Variants in PSD3 observed in about 807,000 individuals in gnomAD.
PSD3 encodes the protein pleckstrin and Sec7 domain containing 3.
In PSD3, 49 loss-of-function variants were observed where a neutral mutation model predicts 105.5. The observed-to-expected ratio is 0.46, with a 90% CI of 0.37 to 0.59. The LOEUF is 0.59. Ranked by LOEUF, PSD3 falls within the 20% of genes least tolerant of loss-of-function variation. The pLI is 0.00. For synonymous variants in PSD3, 557 were observed against 457.8 expected, an observed-to-expected ratio of 1.22 and a Z score of -2.77; for missense variants, 1,561 against 1,263.8, an observed-to-expected ratio of 1.24 and a Z score of -3.57.
chr8:18,964,579 C>T (rs1824126677), intron 1 of PSD3, among the ~76,000 whole-genome samples: 1 of 151,922 alleles, frequency 6.6e-6, no homozygotes, highest in Non-Finnish European at 1.5e-5. Context: ...TGATTATCTC[C>T]TTAAAGTGTG....
rs952537543 is a variant in PSD3 at position 18,690,958 on chromosome 8, T to G, written c.2173-35273A>C. ...CATAAGACATCACTAGAATCTAAGC[T>G]AAATCAACCTTAATGAACAATCACT... On this transcript the variant is annotated intron_variant, in intron 9 of 15. Transcript: ENST00000327040. 2.6e-5 allele frequency among the ~76,000 whole-genome samples: 4 copies of G among 151,988 alleles called. No homozygotes were observed. The East Asian group carries it at 5.8e-4, about 22-fold the overall frequency.
chr8:18,800,251 T>C (rs1348525234), intron 7 of PSD3, among the ~76,000 whole-genome samples: 1 of 152,156 alleles, frequency 6.6e-6, no homozygotes, highest in Non-Finnish European at 1.5e-5. Flanking sequence ...AATGGCCCAC[T>C]TTTATCTCCT....
intron 9 of PSD3, among the ~76,000 whole-genome samples, chr8:18,661,787 G>T (rs1382752506): frequency 1.4e-4 from 22 of 152,336 alleles, no homozygotes; most frequent in Non-Finnish European, 4.4e-5. Context: ...TTCACAGGTA[G>T]ATCCATTTTA....
chr8:18,851,505 C>A (rs1051081854), intron 4 of PSD3, among the ~76,000 whole-genome samples: 12 of 152,228 alleles, frequency 7.9e-5, no homozygotes, highest in African/African-American at 2.9e-4. Flanking sequence ...CAGACCAGCC[C>A]TCTGCTACGA....
intron 1 of PSD3, among the ~76,000 whole-genome samples, chr8:18,956,954 G>C (rs1823607548): frequency 6.6e-6 from 1 of 152,062 alleles, no homozygotes; most frequent in African/African-American, 2.4e-5. Context: ...ATAACATAGG[G>C]ATAACCAAGA....
chr8:18,563,796 C>G (rs1037519208), intron 14 of PSD3, among the ~76,000 whole-genome samples: 3 of 152,068 alleles, frequency 2.0e-5, no homozygotes, highest in Non-Finnish European at 2.9e-5. Flanking sequence ...AAAAATGAAT[C>G]AGTTAAGGGT....
intron 1 of PSD3, among the ~76,000 whole-genome samples, chr8:19,078,585 T>C (rs1405487317): frequency 1.3e-5 from 2 of 152,006 alleles, no homozygotes; most frequent in Non-Finnish European, 2.9e-5. Context: ...TTATGAGTTG[T>C]CCCTTTCCCA....
chr8:19,038,514 T>C (rs565808859), intron 1 of PSD3, among the ~76,000 whole-genome samples: 2 of 152,356 alleles, frequency 1.3e-5, no homozygotes, highest in South Asian at 4.1e-4. Context: ...TTGCCCAGAC[T>C]GCAGTGCAGT....
At chr8:18,873,828 T>C (rs1282476113) in intron 2 of PSD3, among the ~76,000 whole-genome samples, 1 of 152,228 alleles carries the variant, frequency 6.6e-6, no homozygotes, top group Non-Finnish European at 1.5e-5. Context: ...ACTACCTGCA[T>C]AAAATTGTAA....
At chr8:18,776,027 G>C (rs528142725) in intron 8 of PSD3, among the ~76,000 whole-genome samples, 77 of 152,056 alleles carry the variant, frequency 5.1e-4, no homozygotes, top group South Asian at 1.2e-3. Flanking sequence ...TTTGTAAATT[G>C]TGAAAGTTAA....
At chr8:18,929,866 T>C (rs969403900) in intron 2 of PSD3, among the ~76,000 whole-genome samples, 1 of 151,826 alleles carries the variant, frequency 6.6e-6, no homozygotes, top group African/African-American at 2.4e-5. Flanking sequence ...AAATAATGCA[T>C]CCATAAAAAA....
At chr8:18,626,946 C>A (rs879756695) in intron 11 of PSD3, among the ~76,000 whole-genome samples, 1 of 151,940 alleles carries the variant, frequency 6.6e-6, no homozygotes, top group Non-Finnish European at 1.5e-5. Context: ...GGTCTTAAAG[C>A]GGGAAGCAAC....
intron 1 of PSD3, among the ~76,000 whole-genome samples, chr8:19,024,648 A>G (rs1384517213): frequency 6.6e-6 from 1 of 152,134 alleles, no homozygotes; most frequent in African/African-American, 2.4e-5. Context: ...TGGTTATCAG[A>G]AAGACGACAT....
At position 18,969,677 on chromosome 8, in the gene PSD3, A is replaced by C. The variant is rs79498978; in HGVS notation, c.22-33535T>G. Among the ~76,000 whole-genome samples, 1,093 of 152,340 alleles carry C rather than the reference A, an allele frequency of 7.2e-3. 9 individuals are homozygous for C. Among genetic ancestry groups the C allele is most frequent in the Non-Finnish European group, 0.011 (769 of 68,022 alleles). ...TTCAAATTACTATATGGGATGTTTC[A>C]TAACTATTAGCCTTGGCTATCTTAC... On this transcript the variant is annotated intron_variant, in intron 1 of 15. Transcript: ENST00000327040.
At position 18,528,207 on chromosome 8, in the gene PSD3, T is replaced by C. The variant is rs1799500825; in HGVS notation, c.*7536A>G. ...GCAGGGAGGTGGTTAGGCCTTTACCTAACAGCTCTGATCTGGACTGAACAA... is the reference window on the plus strand; with the variant it reads ...GCAGGGAGGTGGTTAGGCCTTTACCCAACAGCTCTGATCTGGACTGAACAA... On this transcript the variant is annotated 3_prime_UTR_variant, in exon 16 of 16. Transcript: ENST00000327040. 1 of 152,234 alleles carries C rather than the reference T, an allele frequency of 6.6e-6. No individual in the cohort carries two copies. The highest frequency in any genetic ancestry group is 2.4e-5 in the African/African-American group (1 of 41,466). 9.4% of individuals were successfully genotyped at this position (152,234 alleles called of 1,614,324 possible).
chr8:18,928,833 ATCCTTTCCTC>A (rs1221389020), intron 2 of PSD3, among the ~76,000 whole-genome samples: 15 of 131,562 alleles, frequency 1.1e-4, no homozygotes, highest in Non-Finnish European at 2.0e-4. Context: ...TCTGCCTTTT[ATCCTTTCCTC>A]TCCTTTCCTC....
At chr8:19,037,107 A>G (rs1827969298) in intron 1 of PSD3, among the ~76,000 whole-genome samples, 2 of 152,194 alleles carry the variant, frequency 1.3e-5, no homozygotes, top group African/African-American at 2.4e-5. Context: ...CAGGTAACGT[A>G]TTTGTGGTTT....
At chr8:18,749,036 C>A (rs891784753) in intron 9 of PSD3, among the ~76,000 whole-genome samples, 1 of 152,234 alleles carries the variant, frequency 6.6e-6, no homozygotes, top group African/African-American at 2.4e-5. Context: ...GGTGGTACAA[C>A]AATCACACCA....
intron 1 of PSD3, among the ~76,000 whole-genome samples, chr8:19,046,042 T>C (rs542124792): frequency 6.6e-6 from 1 of 152,314 alleles, no homozygotes; most frequent in East Asian, 1.9e-4. Flanking sequence ...GGAAGCAAAC[T>C]CTTATAGGGA....
Sources: allele counts gnomAD v4.1 joint callset (sites outside exome capture counted in the v4.1 genomes callset), GRCh38; gene constraint gnomAD v4.1.1; transcripts MANE v1.5; gene names NCBI Gene and HGNC (gene_info 2026-07-23, HGNC 2026-07-21).